The following TNFRSF1B variants were observed in gnomAD, a reference collection of about 807,000 sequenced individuals.
TNFRSF1B encodes the protein TNF receptor superfamily member 1B, also known as tumor necrosis factor receptor superfamily member 1B.
TNFRSF1B carries 19 observed loss-of-function variants against 44.6 expected under a neutral mutation model. The ratio of observed to expected loss-of-function variants is 0.43; its 90% CI spans 0.30 to 0.62. The LOEUF is 0.62. Ranked by LOEUF, TNFRSF1B falls within the 20% of genes least tolerant of loss-of-function variation. The pLI is 0.16. For missense variants in TNFRSF1B, 541 were observed against 619.9 expected (o/e 0.87, Z 1.35); for synonymous variants, 252 against 261.1 (o/e 0.97, Z 0.34).
At chr1:12,196,908 G>A (rs897037352) in intron 8 of TNFRSF1B, among the ~76,000 whole-genome samples, 2 of 151,652 alleles carry the variant, frequency 1.3e-5, no homozygotes, top group African/African-American at 4.8e-5. Flanking sequence ...GATGTCCTGG[G>A]TGTGGCCTAG....
intron 9 of TNFRSF1B, among the ~76,000 whole-genome samples, chr1:12,206,235 C>T (rs946211802): frequency 6.6e-6 from 1 of 151,824 alleles, no homozygotes; most frequent in Non-Finnish European, 1.5e-5. Flanking sequence ...AAAAAATTAG[C>T]AGGGTGCGGT....
At chr1:12,189,311 C>A (rs949619660) in intron 2 of TNFRSF1B, among the ~76,000 whole-genome samples, 1 of 152,234 alleles carries the variant, frequency 6.6e-6, no homozygotes, top group East Asian at 1.9e-4. Context: ...CCCATGGAAG[C>A]TCTTTCCTTG....
chr1:12,200,692 G>A (rs1570172345), intron 8 of TNFRSF1B, among the ~76,000 whole-genome samples: 1 of 151,908 alleles, frequency 6.6e-6, no homozygotes, highest in Non-Finnish European at 1.5e-5. Context: ...GCTCGATCTC[G>A]CCTCACCACA....
chr1:12,189,409 C>A (rs1570152082), intron 2 of TNFRSF1B, among the ~76,000 whole-genome samples: 1 of 152,186 alleles, frequency 6.6e-6, no homozygotes, highest in Non-Finnish European at 1.5e-5. Flanking sequence ...TCTGCTGAAT[C>A]CCCAGCACGT....
At position 12,169,268 on chromosome 1, in the gene TNFRSF1B, C is replaced by T. The variant is rs1392021724; in HGVS notation, c.78+2099C>T. On this transcript the variant is annotated intron_variant, in intron 1 of 9. Coordinates refer to ENST00000376259, the MANE Select transcript of TNFRSF1B (RefSeq NM_001066.3). The surrounding 1 kb of genome is among the most constrained non-coding windows in gnomAD (Gnocchi z 4.5). ...GTCTTCAGGGCCAGAACTGTGGGTTCCTCTTCCTTCTCATCAGTAGCATCG... is the reference window on the plus strand; with the variant it reads ...GTCTTCAGGGCCAGAACTGTGGGTTTCTCTTCCTTCTCATCAGTAGCATCG... Among the ~76,000 whole-genome samples, 1 of 152,164 alleles carries T rather than the reference C, an allele frequency of 6.6e-6. No individual in the cohort carries two copies. The highest frequency in any genetic ancestry group is 2.4e-5 in the African/African-American group (1 of 41,426).
intron 8 of TNFRSF1B, among the ~76,000 whole-genome samples, chr1:12,201,313 C>T (rs1639386552): frequency 6.7e-6 from 1 of 148,380 alleles, no homozygotes; most frequent in Non-Finnish European, 1.5e-5. Flanking sequence ...GCAGGCTGTA[C>T]TGGGCCTCTG....
At position 12,178,085 on chromosome 1, in the gene TNFRSF1B, G is replaced by A. The variant is rs1422347445; in HGVS notation, c.79-10711G>A. ...ATGAGGTGGTGGTGGAGGAGACCGT[G>A]AGCCGCTGTCACCTGAACACTGGTG... On this transcript the variant is annotated intron_variant, in intron 1 of 9. Coordinates refer to ENST00000376259, the MANE Select transcript of TNFRSF1B (RefSeq NM_001066.3). This position sits in a 1 kb window ranked among gnomAD's most constrained non-coding sequence, Gnocchi z 4.3. 6.6e-6 allele frequency among the ~76,000 whole-genome samples: 1 copy of A among 152,246 alleles called. No individual in the cohort carries two copies. Among genetic ancestry groups the A allele is most frequent in the African/African-American group, 2.4e-5 (1 of 41,460 alleles).
At chr1:12,189,338 C>T (rs544083755) in intron 2 of TNFRSF1B, among the ~76,000 whole-genome samples, 79 of 152,300 alleles carry the variant, frequency 5.2e-4, no homozygotes, top group Non-Finnish European at 9.1e-4. Context: ...GATTATAGCC[C>T]GGTCCTGCTT....
intron 3 of TNFRSF1B, 108 bp from the exon 4 acceptor site, chr1:12,191,666 C>T (rs781169472): frequency 4.8e-4 from 693 of 1,455,236 alleles, no homozygotes; most frequent in Non-Finnish European, 6.0e-4. Flanking sequence ...TGAGGCGGTC[C>T]GCCAGCCTCC....
intron 8 of TNFRSF1B, among the ~76,000 whole-genome samples, chr1:12,198,123 A>C (rs1387303069): frequency 4.2e-5 from 1 of 23,618 alleles, no homozygotes; most frequent in Admixed American, 5.1e-4. Context: ...CTCCATCTCA[A>C]AAAAAAAAAA....
chr1:12,194,921 C>A (rs1380858878), intron 8 of TNFRSF1B, among the ~76,000 whole-genome samples: 2 of 152,238 alleles, frequency 1.3e-5, no homozygotes, highest in Non-Finnish European at 2.9e-5. Context: ...TACTTCCTTA[C>A]CATGAGATGG....
chr1:12,188,993 A>C, intron 2 of TNFRSF1B, 98 bp downstream of exon 2: 3 of 1,066,098 alleles, frequency 2.8e-6, no homozygotes, highest in East Asian at 2.6e-5. Context: ...TTCTTACTGA[A>C]CTCCTAGTTC....
In TNFRSF1B at chr1:12,174,256, C is replaced by CCTTCTT. The variant is rs893618494; in HGVS notation, c.78+7093_78+7098dup. Among the ~76,000 whole-genome samples, 8 of 137,426 alleles carry CCTTCTT rather than the reference C, an allele frequency of 5.8e-5. No homozygotes were observed. The South Asian group carries it at 6.9e-4, about 12-fold the overall frequency. The allele number at this position is 137,426 out of a possible 152,430, so 90.2% of individuals were successfully genotyped here. ...TCCTTCTCCTTCTCCTTCTCCTTCTCCTTCTTCTTCTGATGGAGTCTGACT... is the reference window on the plus strand; with the variant it reads ...TCCTTCTCCTTCTCCTTCTCCTTCTCCTTCTTCTTCTTCTTCTGATGGAGTCTGACT... On this transcript the variant is annotated intron_variant, in intron 1 of 9. Coordinates refer to ENST00000376259, the MANE Select transcript of TNFRSF1B (RefSeq NM_001066.3).
chr1:12,190,106 A>G (rs1432558114), intron 2 of TNFRSF1B, among the ~76,000 whole-genome samples: 2 of 152,154 alleles, frequency 1.3e-5, no homozygotes, highest in Non-Finnish European at 2.9e-5. Context: ...CTTGAGATGT[A>G]GGTGGGCATA....
chr1:12,180,752 T>C lies in TNFRSF1B; in HGVS notation c.79-8044T>C, dbSNP rs1447448878. On this transcript the variant is annotated intron_variant, in intron 1 of 9. Transcript: ENST00000376259. The surrounding 1 kb of genome is among the most constrained non-coding windows in gnomAD (Gnocchi z 4.3). ...CTGACTGACCGGGTCAGCCTTACTC[T>C]TCCAGCGGGGTCTTTTCTTCCTGGA... Among the ~76,000 whole-genome samples, 1 of 152,176 alleles carries C rather than the reference T, an allele frequency of 6.6e-6. No homozygotes were observed. The highest frequency in any genetic ancestry group is 1.5e-5 in the Non-Finnish European group (1 of 68,010).
intron 7 of TNFRSF1B, 77 bp from the exon 8 acceptor site, chr1:12,194,507 C>T: frequency 6.4e-7 from 1 of 1,571,696 alleles, no homozygotes; most frequent in Non-Finnish European, 8.8e-7. Context: ...TTCTATGGGG[C>T]CCCATACTGC....
At position 12,168,301 on chromosome 1, in the gene TNFRSF1B, G is replaced by T. The variant is rs1638440759; in HGVS notation, c.78+1132G>T. ...GGCACTGGCTTCTGTGGTGACATAA[G>T]GTGACTTGTTGATCTGAGGCCAGAG... On this transcript the variant is annotated intron_variant, in intron 1 of 9. Coordinates refer to ENST00000376259, the MANE Select transcript of TNFRSF1B (RefSeq NM_001066.3). The surrounding 1 kb of genome is among the most constrained non-coding windows in gnomAD (Gnocchi z 4.7). Among the ~76,000 whole-genome samples the T allele has an allele frequency of 6.6e-6, 1 of 152,202 alleles. No individual in the cohort carries two copies. The highest frequency in any genetic ancestry group is 2.4e-5 in the African/African-American group (1 of 41,454).
rs140975873 is a variant in TNFRSF1B, at chr1:12,177,862, A to T, written c.78+10693A>T. ...CTTGGGTGCAATGCGCAAGAGACCG[A>T]TGCATTAACTACACAGAGTGCCCTT... On this transcript the variant is annotated intron_variant, in intron 1 of 9. Transcript: ENST00000376259. This position sits in a 1 kb window ranked among gnomAD's most constrained non-coding sequence, Gnocchi z 4.3. Among the ~76,000 whole-genome samples, 4 of 151,972 alleles carry T rather than the reference A, an allele frequency of 2.6e-5. No homozygotes were observed. Among genetic ancestry groups the T allele is most frequent in the South Asian group, 4.2e-4 (2 of 4,806 alleles).
intron 5 of TNFRSF1B, 74 bp downstream of exon 5, chr1:12,192,598 A>G (rs1035662943): frequency 2.0e-5 from 28 of 1,418,606 alleles, no homozygotes; most frequent in Middle Eastern, 4.5e-4. Flanking sequence ...TCCAGGACAC[A>G]GAGCAGCTCA....
Sources: allele counts gnomAD v4.1 joint callset (sites outside exome capture counted in the v4.1 genomes callset), GRCh38; gene constraint gnomAD v4.1.1; non-coding constraint Gnocchi (gnomAD v3.1); transcripts MANE v1.5; gene names NCBI Gene and HGNC (gene_info 2026-07-23, HGNC 2026-07-21).